The following SPATA9 variants were observed in gnomAD, a reference collection of about 807,000 sequenced individuals.
SPATA9 encodes the protein spermatogenesis-associated protein 9.
A neutral mutation model predicts 25.5 loss-of-function variants in SPATA9; 27 were observed. The ratio of observed to expected loss-of-function variants is 1.06; its 90% CI spans 0.78 to 1.46. The LOEUF is 1.46. SPATA9 is among the 40% of genes most tolerant of loss of function. SPATA9 has a pLI of 0.00. For synonymous variants in SPATA9, 102 were observed against 105.7 expected (o/e 0.97, Z 0.21); for missense variants, 282 against 297.5 (o/e 0.95, Z 0.38).
chr5:95,681,004 G>A (rs920729899), intron 2 of SPATA9, among the ~76,000 whole-genome samples: 2 of 152,110 alleles, frequency 1.3e-5, no homozygotes, highest in Non-Finnish European at 2.9e-5. Context: ...AATATCTCTT[G>A]TGCTCAACCC....
chr5:95,655,568 C>T (rs1750700834), downstream of SPATA9: 1 of 152,814 alleles, frequency 6.5e-6, no homozygotes, highest in African/African-American at 2.4e-5. Context: ...GTTTGAGAAG[C>T]ACTTCACCAA....
chr5:95,708,615 T>C, the SPATA9 span: 1 of 696,490 alleles, frequency 1.4e-6, no homozygotes, highest in South Asian at 1.5e-5. Context: ...AGTCAACATT[T>C]TGGAGTTCTT....
chr5:95,675,706 G>T, intron 2 of SPATA9, 67 bp from the exon 3 acceptor site: 2 of 1,318,866 alleles, frequency 1.5e-6, no homozygotes, highest in South Asian at 1.3e-5. Context: ...ACTACTTCCG[G>T]CAGAGACTGA....
the SPATA9 span, among the ~76,000 whole-genome samples, chr5:95,709,850 C>A: frequency 6.6e-6 from 1 of 152,084 alleles, no homozygotes; most frequent in African/African-American, 2.4e-5. Context: ...TTGGCATTTA[C>A]CTGGGCGCAG....
chr5:95,660,325 AG>A (rs1214072844), intron 4 of SPATA9, among the ~76,000 whole-genome samples: 1 of 152,160 alleles, frequency 6.6e-6, no homozygotes, highest in Non-Finnish European at 1.5e-5. Context: ...CACTTCCCAA[AG>A]GCCCCACTTG....
chr5:95,709,727 G>C, the SPATA9 span, among the ~76,000 whole-genome samples: 1 of 152,180 alleles, frequency 6.6e-6, no homozygotes, highest in Non-Finnish European at 1.5e-5. Context: ...ACTAGTACTA[G>C]AAGGTATTTG....
intron 3 of SPATA9, among the ~76,000 whole-genome samples, chr5:95,668,471 G>A (rs1561400910): frequency 6.6e-6 from 1 of 151,948 alleles, no homozygotes; most frequent in Non-Finnish European, 1.5e-5. Flanking sequence ...TTTCATTTTT[G>A]TCTTGCTTTG....
intron 4 of SPATA9, 121 bp from the exon 5 acceptor site, chr5:95,659,034 ACTT>A (rs1275877467): frequency 7.8e-7 from 1 of 1,279,268 alleles, no homozygotes; most frequent in Admixed American, 2.8e-5. Context: ...AATAAAAAAC[ACTT>A]CTTTTCAGGA....
intron 2 of SPATA9, among the ~76,000 whole-genome samples, chr5:95,680,829 C>A (rs1270872748): frequency 6.6e-6 from 1 of 152,220 alleles, no homozygotes; most frequent in African/African-American, 2.4e-5. Flanking sequence ...ACCCCTTAAA[C>A]TGTGATCCAA....
At chr5:95,712,279 C>T in the SPATA9 span, among the ~76,000 whole-genome samples, 1 of 152,154 alleles carries the variant, frequency 6.6e-6, no homozygotes, top group Non-Finnish European at 1.5e-5. Flanking sequence ...ACAATATTTC[C>T]TATCCCACAA....
chr5:95,723,079 T>C, the SPATA9 span, among the ~76,000 whole-genome samples: 1 of 152,034 alleles, frequency 6.6e-6, no homozygotes, highest in African/African-American at 2.4e-5. Context: ...ATTTCACATG[T>C]ACATAACATT....
downstream of SPATA9, chr5:95,654,022 G>A: frequency 6.3e-7 from 1 of 1,576,258 alleles, no homozygotes; most frequent in Non-Finnish European, 8.6e-7. Flanking sequence ...CCAAATTAGT[G>A]AATACTTCTT....
chr5:95,673,014 T>C (rs1464431240), intron 3 of SPATA9, among the ~76,000 whole-genome samples: 2 of 152,196 alleles, frequency 1.3e-5, no homozygotes, highest in African/African-American at 4.8e-5. Flanking sequence ...GAACATGTCA[T>C]AGGCCATTAA....
the SPATA9 span, among the ~76,000 whole-genome samples, chr5:95,709,585 G>A: frequency 6.6e-6 from 1 of 152,174 alleles, no homozygotes. Context: ...GGTGAAGGCA[G>A]GTCCATTATC....
the SPATA9 span, chr5:95,731,705 T>G: frequency 6.2e-7 from 1 of 1,613,218 alleles, no homozygotes; most frequent in Non-Finnish European, 8.5e-7. Context: ...GCCGCCGTCC[T>G]GCCATTGTCT....
the SPATA9 span, among the ~76,000 whole-genome samples, chr5:95,705,247 G>A: frequency 4.6e-5 from 7 of 152,242 alleles, no homozygotes; most frequent in African/African-American, 7.2e-5. Flanking sequence ...GATTACAGGC[G>A]TGAGCCACCA....
At chr5:95,691,016 T>C (rs540020566) in intron 1 of SPATA9, among the ~76,000 whole-genome samples, 9 of 152,212 alleles carry the variant, frequency 5.9e-5, no homozygotes, top group African/African-American at 2.2e-4. Context: ...TTTCTTTTCT[T>C]TAAAAATTCA....
chr5:95,730,729 G>C, the SPATA9 span: 2 of 310,144 alleles, frequency 6.4e-6, no homozygotes, highest in Non-Finnish European at 1.3e-5. Context: ...GCTAAATATA[G>C]CTTGAAATAG....
At chr5:95,687,606 T>G (rs965439430), upstream of SPATA9, among the ~76,000 whole-genome samples, 6 of 152,218 alleles carry the variant, frequency 3.9e-5, no homozygotes, top group Non-Finnish European at 8.8e-5. Context: ...ATTACCATAT[T>G]TTACAATTCC....
Sources: allele counts gnomAD v4.1 joint callset (sites outside exome capture counted in the v4.1 genomes callset), GRCh38; gene constraint gnomAD v4.1.1; transcripts MANE v1.5; gene names NCBI Gene and HGNC (gene_info 2026-07-23, HGNC 2026-07-21).